AHR: variants seen among roughly 807,000 people sequenced by gnomAD.
The protein encoded by AHR is aryl hydrocarbon receptor.
AHR carries 40 observed loss-of-function variants against 86.8 expected under a neutral mutation model. The observed-to-expected ratio is 0.46, with a 90% CI of 0.36 to 0.60. The LOEUF (loss-of-function observed/expected upper bound fraction) is 0.60, where lower values mean the gene tolerates loss of function less well. AHR is among the 20% of genes least tolerant of loss of function. The pLI is 0.00. For synonymous variants in AHR, 398 were observed against 354.9 expected (o/e 1.12, Z -1.37); for missense variants, 1,001 against 1,011.6 (o/e 0.99, Z 0.14).
rs1447180964 is a variant in AHR, at chr7:17,343,303, G to T, written c.*239G>T. The T allele has an allele frequency of 9.8e-6, 5 of 509,870 alleles. No homozygotes were observed. The Admixed American group carries it at 2.0e-4, about 20-fold the overall frequency. The allele number at this position is 509,870 out of a possible 1,614,324, so 31.6% of individuals were successfully genotyped here. A position where few individuals can be genotyped will look rare whatever the true frequency, so the allele number is the denominator to read the frequency against. On this transcript the variant is annotated 3_prime_UTR_variant, in exon 11 of 11. Transcript: ENST00000242057. ...AAGGGTGCTGCCACGGAGTGGTGAG[G>T]TACCGTCTACATTTCACATTATTCT...
chr7:17,343,194 T>C lies in AHR; in HGVS notation c.*130T>C. On this transcript the variant is annotated 3_prime_UTR_variant, in exon 11 of 11. Coordinates refer to ENST00000242057, the MANE Select transcript of AHR (RefSeq NM_001621.5). ...CATTGATGCATGCTATTCACAATTA[T>C]TCCAAACCAAATTTTAATTTTTGCT... 1 of 1,119,740 alleles carries C rather than the reference T, an allele frequency of 8.9e-7. No homozygotes were observed. Among genetic ancestry groups the C allele is most frequent in the Non-Finnish European group, 1.3e-6 (1 of 761,998 alleles). The allele number at this position is 1,119,740 out of a possible 1,614,324, so 69.4% of individuals were successfully genotyped here. A position where few individuals can be genotyped will look rare whatever the true frequency, so the allele number is the denominator to read the frequency against.
intron 4 of AHR, 119 bp downstream of exon 4, chr7:17,327,967 T>C (rs1782246732): frequency 3.3e-6 from 1 of 305,350 alleles, no homozygotes; most frequent in Non-Finnish European, 5.6e-6. Context: ...GAATACAGTA[T>C]GTATTTGTAG....
At chr7:17,337,733 C>CCAAAGTGCTGGGATTACAGGCGTG (rs1782369953) in intron 9 of AHR, among the ~76,000 whole-genome samples, 1 of 151,382 alleles carries the variant, frequency 6.6e-6, no homozygotes, top group Admixed American at 6.6e-5. Flanking sequence ...CCTCAGCCTC[C>CCAAAGTGCTGGGATTACAGGCGTG]CAAAGTGCTG....
intron 3 of AHR, among the ~76,000 whole-genome samples, chr7:17,324,796 C>T (rs1195496984): frequency 7.0e-6 from 1 of 142,278 alleles, no homozygotes; most frequent in Non-Finnish European, 1.5e-5. Context: ...TGCGAGACTC[C>T]ATCTGAAAAA....
chr7:17,327,991 C>G (rs1782246937), intron 4 of AHR, 143 bp downstream of exon 4: 1 of 265,058 alleles, frequency 3.8e-6, no homozygotes, highest in African/African-American at 2.3e-5. Flanking sequence ...ATAATTTTTT[C>G]TAATATTAAT....
At chr7:17,308,949 C>T (rs930839523) in intron 1 of AHR, among the ~76,000 whole-genome samples, 1 of 152,010 alleles carries the variant, frequency 6.6e-6, no homozygotes, top group Admixed American at 6.6e-5. Context: ...TGTAAGAAAA[C>T]GCTAGATAAT....
Position 17,339,902 on chromosome 7 carries a change from T to A in AHR, c.2077T>A (p.Ser693Thr). 1 of 1,614,194 alleles carries A rather than the reference T, an allele frequency of 6.2e-7. No individual in the cohort carries two copies. The change falls in exon 10 of 11, where the codon TCT (serine) becomes ACT (threonine). Residue 693 changes from serine (S) to threonine (T), a missense_variant. By Grantham distance (58) the Ser-to-Thr change is moderately conservative. This residue lies in a region of AHR where 607 missense variants were observed against 543.1 expected (regional missense o/e 1.12). Coordinates refer to ENST00000242057, the MANE Select transcript of AHR (RefSeq NM_001621.5). ...QEFPYKSEMD[S>T]MPYTQNFISC... ...GTTCCCCTACAAATCTGAAATGGAT[T>A]CTATGCCTTATACACAGAACTTTAT... is the stretch of plus-strand genomic sequence containing the variant.
intron 4 of AHR, among the ~76,000 whole-genome samples, chr7:17,328,382 A>T (rs1782250828): frequency 6.6e-6 from 1 of 152,002 alleles, no homozygotes. Flanking sequence ...ATTGAAGGAA[A>T]CAGACGTGTC....
chr7:17,299,318 G>T lies in AHR; in HGVS notation c.54G>T (p.Pro18=). ...ACGCCAGTCGCAAGCGGCGGAAGCC[G>T]GTGCAGAAAACGTGAGTGTCCCGAG... The part of the protein sequence containing the change: ...ITYASRKRRK[P]VQKTVKPIPA... Residue 18 remains proline, a synonymous_variant, in exon 1 of 11, where the codon CCG becomes CCT. Transcript: ENST00000242057. 1.2e-6 allele frequency: 2 copies of T among 1,612,858 alleles called. No homozygotes were observed. Among genetic ancestry groups the T allele is most frequent in the Non-Finnish European group, 1.7e-6 (2 of 1,179,758 alleles).
chr7:17,319,442 A>G (rs1270134087), intron 2 of AHR, among the ~76,000 whole-genome samples: 2 of 152,138 alleles, frequency 1.3e-5, no homozygotes, highest in Non-Finnish European at 2.9e-5. Flanking sequence ...AAGCTCTGCC[A>G]CTTAAATCTC....
intron 2 of AHR, among the ~76,000 whole-genome samples, chr7:17,317,449 G>T (rs768603943): frequency 6.6e-6 from 1 of 152,086 alleles, no homozygotes; most frequent in Non-Finnish European, 1.5e-5. Context: ...TAAGATAGGT[G>T]CTTCAGCTTT....
At position 17,310,141 on chromosome 7, in the gene AHR, A is replaced by G. The variant is rs117645168; in HGVS notation, c.253+18A>G. ...CTTTGATGGTAAGACAGAAGGGTTT[A>G]ATTTGTCTACAATAACGTATAAAAA... On this transcript the variant is annotated intron_variant, in intron 2 of 10. Transcript: ENST00000242057. 1 of 1,602,000 alleles carries G rather than the reference A, an allele frequency of 6.2e-7. No individual in the cohort carries two copies. Among genetic ancestry groups the G allele is most frequent in the Non-Finnish European group, 8.5e-7 (1 of 1,169,870 alleles).
Position 17,333,992 on chromosome 7 carries a change from G to C in AHR, c.786G>C (p.Gln262His), listed in dbSNP as rs1329922734. The change falls in exon 7 of 11, where the codon CAG (glutamine) becomes CAC (histidine). Residue 262 changes from glutamine (Q) to histidine (H), a missense_variant. Physicochemically the swap from Gln to His is conservative, Grantham distance 24. Coordinates refer to ENST00000242057, the MANE Select transcript of AHR (RefSeq NM_001621.5). ...AAGATGGATCAATACTTCCACCTCA[G>C]TTGGCTTTGTTTGCGATAGCTACTC... ...KGKDGSILPP[Q>H]LALFAIATPL... The C allele has an allele frequency of 1.2e-6, 2 of 1,613,334 alleles. No individual in the cohort carries two copies. Among genetic ancestry groups the C allele is most frequent in the South Asian group, 1.1e-5 (1 of 91,062 alleles).
intron 2 of AHR, among the ~76,000 whole-genome samples, chr7:17,319,840 A>G (rs934523331): frequency 1.3e-5 from 2 of 152,278 alleles, no homozygotes; most frequent in South Asian, 4.1e-4. Flanking sequence ...CTGAAAGGCC[A>G]TGACATAAAA....
chr7:17,300,877 GATGTGTTTTTAA>G (rs988051688), intron 1 of AHR, among the ~76,000 whole-genome samples: 2 of 152,016 alleles, frequency 1.3e-5, no homozygotes, highest in Non-Finnish European at 2.9e-5. Flanking sequence ...AGATCTCCCT[GATGTGTTTTTAA>G]GATACTGGGT....
chr7:17,308,337 C>A (rs1252756742), intron 1 of AHR, among the ~76,000 whole-genome samples: 1 of 152,124 alleles, frequency 6.6e-6, no homozygotes, highest in African/African-American at 2.4e-5. Context: ...TCAGATACCA[C>A]CTTTTCTGTA....
At chr7:17,310,843 A>C (rs1447484305) in intron 2 of AHR, among the ~76,000 whole-genome samples, 2 of 152,118 alleles carry the variant, frequency 1.3e-5, no homozygotes, top group African/African-American at 4.8e-5. Context: ...GCCTATTTCT[A>C]ATATTTTACA....
At position 17,344,821 on chromosome 7, in the gene AHR, G is replaced by T. The variant is rs1344668949; in HGVS notation, c.*1757G>T. 1 of 151,264 alleles carries T rather than the reference G, an allele frequency of 6.6e-6. No homozygotes were observed. The highest frequency in any genetic ancestry group is 1.5e-5 in the Non-Finnish European group (1 of 67,876). 9.4% of individuals were successfully genotyped at this position (151,264 alleles called of 1,614,324 possible). ...ATTTTTGTATTTTTAGTAGAAACGG[G>T]TTTCACCATGTTGGCCAGACTGGTC... On this transcript the variant is annotated 3_prime_UTR_variant, in exon 11 of 11. Coordinates refer to ENST00000242057, the MANE Select transcript of AHR (RefSeq NM_001621.5).
chr7:17,342,803 ACTT>A, intron 10 of AHR, 115 bp from the exon 11 acceptor site: 1 of 942,254 alleles, frequency 1.1e-6, no homozygotes, highest in Non-Finnish European at 1.6e-6. Flanking sequence ...CAGTAAAGGA[ACTT>A]GAAGTTTACA....
Sources: allele counts gnomAD v4.1 joint callset (sites outside exome capture counted in the v4.1 genomes callset), GRCh38; gene constraint gnomAD v4.1.1; regional missense constraint gnomAD v4.1.1; transcripts MANE v1.5; gene names NCBI Gene and HGNC (gene_info 2026-07-23, HGNC 2026-07-21).